SRRM1: variants seen among roughly 807,000 people sequenced by gnomAD.
The protein encoded by SRRM1 is serine/arginine repetitive matrix protein 1.
A neutral mutation model predicts 110.2 loss-of-function variants in SRRM1; 19 were observed. The ratio of observed to expected loss-of-function variants is 0.17; its 90% confidence interval spans 0.12 to 0.25. The LOEUF is 0.25. SRRM1 is among the 10% of genes least tolerant of loss of function. The probability of loss-of-function intolerance (pLI) is 1.00; values close to 1 mark genes in which losing one functional copy is unlikely to be tolerated. For synonymous variants in SRRM1, 443 were observed against 414.9 expected (o/e 1.07, Z -0.82); for missense variants, 918 against 1,145.8 (o/e 0.80, Z 2.87).
chr1:24,671,339 A>G, intron 15 of SRRM1, 47 bp from the exon 16 acceptor site: 4 of 1,496,152 alleles, frequency 2.7e-6, no homozygotes, highest in East Asian at 4.5e-5. Context: ...ACAGAATATT[A>G]ATCAGATTGA....
rs1671650728 is a variant in SRRM1 at position 24,669,448 on chromosome 1, C to G, written c.2065C>G (p.Arg689Gly). The change falls in exon 14 of 17, where the codon CGA (arginine) becomes GGA (glycine). Residue 689 changes from arginine to glycine, a missense_variant. Arg to Gly is a moderately radical substitution (Grantham distance 125, BLOSUM62 -2). This residue lies in a region of SRRM1 where 357 missense variants were observed against 402.9 expected (regional missense o/e 0.89). Transcript: ENST00000323848. ...NKRHSPSPRP[R>G]APQTSSSPPP... ...ACGGCATTCGCCCTCACCACGGCCT[C>G]GAGCTCCTCAGACCTCCTCAAGTCC... 1.9e-6 allele frequency: 3 copies of G among 1,614,124 alleles called. No individual in the cohort carries two copies. Among genetic ancestry groups the G allele is most frequent in the Middle Eastern group, 3.3e-4 (2 of 6,062 alleles).
At position 24,650,067 on chromosome 1, in the gene SRRM1, C is replaced by T. The variant is rs146719389; in HGVS notation, c.502C>T (p.Arg168Trp). 27 of 1,585,342 alleles carry T rather than the reference C, an allele frequency of 1.7e-5. No homozygotes were observed. The highest frequency in any genetic ancestry group is 2.3e-5 in the East Asian group (1 of 44,176). Residue 168 changes from arginine to tryptophan, a missense_variant, in exon 5 of 17, where the codon CGG becomes TGG. Arg to Trp is a moderately radical substitution (Grantham distance 101). Around this residue, in one of 5 missense-constraint regions of SRRM1, gnomAD observed 456 missense variants for 453.5 expected, o/e 1.01. Transcript: ENST00000323848. The stretch of plus-strand genomic sequence containing the variant: ...AGAAAGCAGCAGAGAAAAAAGGGAG[C>T]GGTCTCGTAGCCCAAGAAGGTATCA... ...EKESSREKRE[R>W]SRSPRRRKSR...
In SRRM1 at chr1:24,670,318, A is replaced by G; in HGVS notation, c.2400+3A>G. 6.2e-7 allele frequency: 1 copy of G among 1,602,796 alleles called. No homozygotes were observed. Among genetic ancestry groups the G allele is most frequent in the Non-Finnish European group, 8.5e-7 (1 of 1,175,196 alleles). ...CACCGAGCCCATCACCGCCAAGAGTATGTGTCTGCCTTATTTTGGACACCC... is the reference window on the plus strand; with the variant it reads ...CACCGAGCCCATCACCGCCAAGAGTGTGTGTCTGCCTTATTTTGGACACCC... On this transcript the variant is annotated splice_donor_region_variant and intron_variant, in intron 15 of 16. Transcript: ENST00000323848.
intron 12 of SRRM1, among the ~76,000 whole-genome samples, chr1:24,664,288 GC>G (rs1284851766): frequency 1.3e-5 from 2 of 152,142 alleles, no homozygotes; most frequent in African/African-American, 4.8e-5. Context: ...GAGCCACTGG[GC>G]CCGACCTGCA....
chr1:24,660,956 T>TC (rs1666934903), intron 10 of SRRM1, 157 bp downstream of exon 10: 2 of 550,346 alleles, frequency 3.6e-6, no homozygotes, highest in Non-Finnish European at 6.5e-6. Context: ...TTGGGTGGAA[T>TC]CCCCCATTCC....
chr1:24,646,597 CAG>C, intron 2 of SRRM1, 68 bp from the exon 3 acceptor site: 1 of 1,358,160 alleles, frequency 7.4e-7, no homozygotes, highest in Non-Finnish European at 9.9e-7. Flanking sequence ...CTTTGGTAGA[CAG>C]AACTCTAACT....
chr1:24,653,801 T>C (rs565170777), intron 8 of SRRM1, among the ~76,000 whole-genome samples: 1 of 152,290 alleles, frequency 6.6e-6, no homozygotes, highest in African/African-American at 2.4e-5. Flanking sequence ...TGGGAAGAAA[T>C]GCCGATGATT....
chr1:24,672,664 CTTA>C lies in SRRM1; in HGVS notation c.*381_*383del, dbSNP rs1173084069. On this transcript the variant is annotated 3_prime_UTR_variant, in exon 17 of 17. Coordinates refer to ENST00000323848, the MANE Select transcript of SRRM1 (RefSeq NM_005839.4). ...TTTCTTTTTGTTTTTCTTTCTTCTTCTTATTTTTTTCATTTGAGTCTTAGCTCC... is the reference window on the plus strand; with the variant it reads ...TTTCTTTTTGTTTTTCTTTCTTCTTCTTTTTTTCATTTGAGTCTTAGCTCC... The C allele has an allele frequency of 6.4e-6, 1 of 155,860 alleles. No individual in the cohort carries two copies. The highest frequency in any genetic ancestry group is 2.4e-5 in the African/African-American group (1 of 41,120). 9.7% of individuals were successfully genotyped at this position (155,860 alleles called of 1,614,324 possible).
At chr1:24,656,012 G>A (rs1381121289) in intron 9 of SRRM1, among the ~76,000 whole-genome samples, 1 of 152,174 alleles carries the variant, frequency 6.6e-6, no homozygotes, top group Non-Finnish European at 1.5e-5. Flanking sequence ...GGCTAAGGCA[G>A]GAAGATCACT....
rs1342401717 is a variant in SRRM1 at position 24,664,519 on chromosome 1, T to A, written c.1628+1715T>A. On this transcript the variant is annotated intron_variant, in intron 12 of 16. Transcript: ENST00000323848. ...AACCAGCTTTCTGCTTTTGGGGCCTTAGCTGCCACTGAATTTTGAAGTATT... is the reference window on the plus strand; with the variant it reads ...AACCAGCTTTCTGCTTTTGGGGCCTAAGCTGCCACTGAATTTTGAAGTATT... 2.0e-5 allele frequency among the ~76,000 whole-genome samples: 3 copies of A among 152,238 alleles called. No individual in the cohort carries two copies. In the East Asian group the frequency reaches 5.8e-4, roughly 29 times the overall value.
At position 24,669,140 on chromosome 1, in the gene SRRM1, C is replaced by G; in HGVS notation, c.1757C>G (p.Pro586Arg). ...TTTCCTAGGACTCCTTCTCCTCCCC[C>G]ACGTCGGCGCTCACCTTCTCCTAGA... ...PPRRRTPSPP[P>R]RRRSPSPRRY... The change falls in exon 14 of 17, where the codon CCA becomes CGA. Residue 586 changes from proline to arginine, a missense_variant. By Grantham distance (103) the Pro-to-Arg change is moderately radical. Transcript: ENST00000323848. 2 of 1,607,796 alleles carry G rather than the reference C, an allele frequency of 1.2e-6. No homozygotes were observed. The highest frequency in any genetic ancestry group is 1.3e-5 in the African/African-American group (1 of 74,868).
chr1:24,657,954 GATTA>G (rs796979354), intron 9 of SRRM1, among the ~76,000 whole-genome samples: 10 of 152,224 alleles, frequency 6.6e-5, no homozygotes, highest in African/African-American at 2.4e-4. Flanking sequence ...GCAGGTCTAA[GATTA>G]ATAATTAATA....
intron 14 of SRRM1, chr1:24,669,888 A>T (rs1467870366): frequency 7.2e-6 from 4 of 556,232 alleles, no homozygotes; most frequent in Non-Finnish European, 1.3e-5. Flanking sequence ...AACTGACATT[A>T]CTAATCTTAC....
intron 5 of SRRM1, chr1:24,650,628 G>A (rs1449940839): frequency 6.6e-6 from 1 of 152,202 alleles, no homozygotes; most frequent in African/African-American, 2.4e-5. Flanking sequence ...GTGGTGAAAG[G>A]TGAGAACTCC....
intron 9 of SRRM1, among the ~76,000 whole-genome samples, chr1:24,656,048 T>TCAGCCCCA (rs1290723437): frequency 8.5e-5 from 13 of 152,268 alleles, no homozygotes; most frequent in African/African-American, 2.9e-4. Context: ...AAGGCTGGCC[T>TCAGCCCCA]CAGCCCCATA....
chr1:24,658,892 G>A (rs1043869821), intron 9 of SRRM1, among the ~76,000 whole-genome samples: 6 of 152,210 alleles, frequency 3.9e-5, no homozygotes, highest in South Asian at 2.1e-4. Context: ...GGCTTATTAC[G>A]TAGAAATTTT....
At chr1:24,663,337 GAA>G (rs1668205391) in intron 12 of SRRM1, 2 of 701,074 alleles carry the variant, frequency 2.9e-6, no homozygotes, top group Non-Finnish European at 4.5e-6. Flanking sequence ...CTGTGGCTGT[GAA>G]TGTGCAGATC....
intron 12 of SRRM1, among the ~76,000 whole-genome samples, chr1:24,665,970 G>C (rs1315275146): frequency 6.6e-6 from 1 of 152,152 alleles, no homozygotes; most frequent in Non-Finnish European, 1.5e-5. Flanking sequence ...GTCCAGACTT[G>C]GGTCTTAAGC....
At chr1:24,654,765 A>G in intron 8 of SRRM1, 90 bp from the exon 9 acceptor site, 1 of 1,481,126 alleles carries the variant, frequency 6.8e-7, no homozygotes, top group Non-Finnish European at 9.3e-7. Context: ...GTCGGATTAA[A>G]ATAGCTGTAT....
Sources: gnomAD v4.1 joint callset for allele counts (sites outside exome capture counted in the v4.1 genomes callset) on GRCh38, gnomAD v4.1.1 for gene constraint, gnomAD v4.1.1 regional missense constraint, MANE v1.5 for transcripts, NCBI Gene and HGNC (gene_info 2026-07-23, HGNC 2026-07-21) for gene names.